The following DTWD2 variants were observed in gnomAD, a reference collection of about 807,000 sequenced individuals.
DTWD2 encodes the protein DTW motif tRNA-uridine aminocarboxypropyltransferase 2, also known as tRNA-uridine aminocarboxypropyltransferase 2.
Under a neutral mutation model 31.8 loss-of-function variants are expected in DTWD2, and 39 were observed. The observed-to-expected ratio is 1.22, with a 90% CI of 0.95 to 1.60. The LOEUF is 1.60. DTWD2 is among the 40% of genes most tolerant of loss of function. DTWD2 has a pLI of 0.00. For missense variants in DTWD2, 515 were observed against 381.5 expected, an observed-to-expected ratio of 1.35 and a Z score of -2.92; for synonymous variants, 180 against 142.8, an observed-to-expected ratio of 1.26 and a Z score of -1.86.
At chr5:118,861,958 T>C (rs1483621396) in intron 4 of DTWD2, among the ~76,000 whole-genome samples, 1 of 152,120 alleles carries the variant, frequency 6.6e-6, no homozygotes, top group African/African-American at 2.4e-5. Flanking sequence ...GTAAAGGGGC[T>C]AAGCCAGGGA....
chr5:118,862,649 T>C (rs558583468), intron 4 of DTWD2, among the ~76,000 whole-genome samples: 28 of 152,232 alleles, frequency 1.8e-4, no homozygotes, highest in Non-Finnish European at 3.4e-4. Flanking sequence ...ACTTCTTAGC[T>C]GGTAAAACAG....
At chr5:118,855,129 T>C (rs1196162026) in intron 4 of DTWD2, among the ~76,000 whole-genome samples, 1 of 150,326 alleles carries the variant, frequency 6.7e-6, no homozygotes, top group African/African-American at 2.4e-5. Flanking sequence ...ACTGTGCCAC[T>C]GCACTCCAGC....
At chr5:118,908,769 G>A (rs1273033445) in intron 4 of DTWD2, among the ~76,000 whole-genome samples, 2 of 151,990 alleles carry the variant, frequency 1.3e-5, no homozygotes, top group Admixed American at 1.3e-4. Context: ...CATTTCAGTT[G>A]CGGGTGATGA....
chr5:118,872,456 G>A (rs75163887), intron 4 of DTWD2, among the ~76,000 whole-genome samples: 17,108 of 152,150 alleles, frequency 0.11, 1,228 homozygotes, highest in African/African-American at 0.21. Flanking sequence ...TCACTTGAAC[G>A]CTTAGAGGCC....
intron 4 of DTWD2, among the ~76,000 whole-genome samples, chr5:118,885,305 T>C (rs2149556797): frequency 6.6e-6 from 1 of 151,098 alleles, no homozygotes; most frequent in South Asian, 2.1e-4. Flanking sequence ...TACAAAAAAT[T>C]AGCTGGGTGT....
intron 5 of DTWD2, among the ~76,000 whole-genome samples, chr5:118,846,920 GCA>G (rs144531960): frequency 0.19 from 25,527 of 134,498 alleles, 2,489 homozygotes; most frequent in Non-Finnish European, 0.27. Flanking sequence ...AAACACACAG[GCA>G]CACACACACA....
At chr5:118,939,315 CAT>C (rs770768700) in intron 2 of DTWD2, 25 bp from the exon 3 acceptor site, 2 of 1,541,992 alleles carry the variant, frequency 1.3e-6, no homozygotes, top group Admixed American at 2.0e-5. Context: ...TGAATTGAAA[CAT>C]AGATTTTTAC....
intron 1 of DTWD2, among the ~76,000 whole-genome samples, chr5:118,963,092 C>G (rs1389303012): frequency 6.6e-6 from 1 of 152,080 alleles, no homozygotes. Context: ...TCATAAAATT[C>G]CTCAGTATAA....
At chr5:118,949,740 A>C (rs182142471) in intron 1 of DTWD2, among the ~76,000 whole-genome samples, 2 of 152,272 alleles carry the variant, frequency 1.3e-5, no homozygotes, top group Admixed American at 6.5e-5. Flanking sequence ...TTGTGGATTA[A>C]GATGGGGAGA....
intron 4 of DTWD2, among the ~76,000 whole-genome samples, chr5:118,850,276 T>C (rs1328644068): frequency 1.1e-4 from 15 of 132,474 alleles, no homozygotes; most frequent in African/African-American, 4.0e-4. Flanking sequence ...CCAGCATGGC[T>C]CACATGGTGA....
chr5:118,950,615 G>A (rs1213936531), intron 1 of DTWD2, among the ~76,000 whole-genome samples: 4 of 152,210 alleles, frequency 2.6e-5, no homozygotes, highest in African/African-American at 9.7e-5. Context: ...TGACTAAGGA[G>A]GAATCCCGGG....
At chr5:118,941,661 C>G (rs1580424907) in intron 2 of DTWD2, among the ~76,000 whole-genome samples, 1 of 152,172 alleles carries the variant, frequency 6.6e-6, no homozygotes, top group Non-Finnish European at 1.5e-5. Flanking sequence ...GTCTTTATAG[C>G]AGCATGATTT....
chr5:118,923,444 G>A (rs1017865294), intron 4 of DTWD2, among the ~76,000 whole-genome samples: 1 of 152,082 alleles, frequency 6.6e-6, no homozygotes, highest in Non-Finnish European at 1.5e-5. Context: ...TACACCACCG[G>A]AAAAAGGGAA....
chr5:118,903,649 A>C (rs1325975151), intron 4 of DTWD2, among the ~76,000 whole-genome samples: 1 of 151,976 alleles, frequency 6.6e-6, no homozygotes, highest in Non-Finnish European at 1.5e-5. Context: ...CTTACCACCC[A>C]CATATGTTCT....
intron 3 of DTWD2, among the ~76,000 whole-genome samples, chr5:118,930,870 G>A (rs1753907616): frequency 1.3e-5 from 2 of 152,172 alleles, no homozygotes; most frequent in African/African-American, 2.4e-5. Context: ...GGGAGTTGGA[G>A]AGGACGGAGG....
chr5:118,947,644 A>G (rs1754369490), intron 1 of DTWD2, among the ~76,000 whole-genome samples: 2 of 152,176 alleles, frequency 1.3e-5, no homozygotes, highest in Admixed American at 1.3e-4. Context: ...AAAAGACAGC[A>G]TTCGAGCGGG....
At chr5:118,849,484 T>G (rs1751947488) in intron 4 of DTWD2, among the ~76,000 whole-genome samples, 1 of 152,194 alleles carries the variant, frequency 6.6e-6, no homozygotes, top group South Asian at 2.1e-4. Context: ...CTCAACGATC[T>G]ACAACCAGAA....
intron 4 of DTWD2, among the ~76,000 whole-genome samples, chr5:118,891,224 G>A (rs530243692): frequency 1.3e-5 from 2 of 151,748 alleles, no homozygotes; most frequent in East Asian, 3.9e-4. Context: ...TTCATTATTA[G>A]TATGGCAATG....
At chr5:118,885,299 A>C (rs916200657) in intron 4 of DTWD2, among the ~76,000 whole-genome samples, 31 of 151,744 alleles carry the variant, frequency 2.0e-4, no homozygotes, top group African/African-American at 6.8e-4. Flanking sequence ...TAAAAATACA[A>C]AAAATTAGCT....
Sources: allele counts gnomAD v4.1 joint callset (sites outside exome capture counted in the v4.1 genomes callset), GRCh38; gene constraint gnomAD v4.1.1; transcripts MANE v1.5; gene names NCBI Gene and HGNC (gene_info 2026-07-23, HGNC 2026-07-21).